The following HSD17B12 variants were observed in gnomAD, a reference collection of about 807,000 sequenced individuals.
HSD17B12 encodes very-long-chain 3-oxoacyl-CoA reductase.
HSD17B12 carries 32 observed loss-of-function variants against 39.3 expected under a neutral mutation model. The ratio of observed to expected loss-of-function variants is 0.81; its 90% confidence interval spans 0.61 to 1.09. The LOEUF is 1.09. Among genes scored for constraint, HSD17B12 ranks in the 50% least tolerant of loss-of-function variants. HSD17B12 has a pLI of 0.00. For synonymous variants in HSD17B12, 150 were observed against 146.7 expected, an observed-to-expected ratio of 1.02 and a Z score of -0.16; for missense variants, 342 against 382.9, an observed-to-expected ratio of 0.89 and a Z score of 0.89.
the HSD17B12 span, among the ~76,000 whole-genome samples, chr11:43,585,352 G>A: frequency 3.9e-5 from 6 of 152,130 alleles, no homozygotes; most frequent in Non-Finnish European, 8.8e-5. Context: ...GAAACCCCAG[G>A]GCTGTCAGAT....
chr11:43,828,657 C>A (rs1344875467), intron 6 of HSD17B12, among the ~76,000 whole-genome samples: 1 of 151,990 alleles, frequency 6.6e-6, no homozygotes, highest in Non-Finnish European at 1.5e-5. Flanking sequence ...TGCAGATGGC[C>A]TAATATTAGC....
chr11:43,572,410 T>C, the HSD17B12 span, among the ~76,000 whole-genome samples: 1 of 152,144 alleles, frequency 6.6e-6, no homozygotes, highest in Non-Finnish European at 1.5e-5. Flanking sequence ...CACCTCCAAC[T>C]CCACATGTTG....
chr11:43,817,838 G>A (rs1249992289), intron 6 of HSD17B12, among the ~76,000 whole-genome samples: 2 of 151,898 alleles, frequency 1.3e-5, no homozygotes, highest in Non-Finnish European at 2.9e-5. Context: ...CTTTCTTTTG[G>A]TTCCATATGA....
At chr11:43,661,430 A>T in the HSD17B12 span, among the ~76,000 whole-genome samples, 1 of 152,214 alleles carries the variant, frequency 6.6e-6, no homozygotes, top group Non-Finnish European at 1.5e-5. Flanking sequence ...AATAAAGTGG[A>T]CTAAGAAAGT....
At chr11:43,640,618 G>A in the HSD17B12 span, among the ~76,000 whole-genome samples, 1 of 152,024 alleles carries the variant, frequency 6.6e-6, no homozygotes, top group African/African-American at 2.4e-5. Flanking sequence ...TATAAAATAA[G>A]AATTGTTACG....
In HSD17B12 at chr11:43,801,628, A is replaced by G. The variant is rs1202141277; in HGVS notation, c.391+3201A>G. On this transcript the variant is annotated intron_variant, in intron 4 of 10. Transcript: ENST00000278353. ...TATATATATATATATATATATATAT[A>G]TATGTATATGTATGTATGTATATGT... Among the ~76,000 whole-genome samples, 196 of 20,944 alleles carry G rather than the reference A, an allele frequency of 9.4e-3. 1 individual carries two copies. The highest frequency in any genetic ancestry group is 0.024 in the Middle Eastern group (1 of 42). The allele number at this position is 20,944 out of a possible 152,430, so 13.7% of individuals were successfully genotyped here. A position where few individuals can be genotyped will look rare whatever the true frequency, so the allele number is the denominator to read the frequency against.
intron 1 of HSD17B12, among the ~76,000 whole-genome samples, chr11:43,706,185 G>C (rs1482067434): frequency 6.6e-6 from 1 of 151,182 alleles, no homozygotes; most frequent in Non-Finnish European, 1.5e-5. Flanking sequence ...AAAGAAGACA[G>C]AGATTGTTTA....
At chr11:43,604,228 ATGAT>A in the HSD17B12 span, among the ~76,000 whole-genome samples, 1 of 152,166 alleles carries the variant, frequency 6.6e-6, no homozygotes, top group African/African-American at 2.4e-5. Context: ...CTTCTTTCAA[ATGAT>A]TGAGAATTTA....
At chr11:43,766,421 A>G (rs1414700176) in intron 3 of HSD17B12, among the ~76,000 whole-genome samples, 3 of 152,104 alleles carry the variant, frequency 2.0e-5, no homozygotes, top group Non-Finnish European at 4.4e-5. Flanking sequence ...ATTGCTTCAT[A>G]TATTTTGTCC....
the HSD17B12 span, among the ~76,000 whole-genome samples, chr11:43,557,857 G>A: frequency 6.6e-6 from 1 of 152,078 alleles, no homozygotes; most frequent in Non-Finnish European, 1.5e-5. Context: ...TGAGGGGCTG[G>A]TGCTGTAACG....
chr11:43,659,959 T>C, the HSD17B12 span, among the ~76,000 whole-genome samples: 6,067 of 152,210 alleles, frequency 0.04, 185 homozygotes, highest in South Asian at 0.11. Flanking sequence ...TTTTCAGCAC[T>C]TTAGAACCTG....
At chr11:43,597,129 G>C in the HSD17B12 span, among the ~76,000 whole-genome samples, 1 of 152,210 alleles carries the variant, frequency 6.6e-6, no homozygotes, top group Non-Finnish European at 1.5e-5. Context: ...AATGAATTAA[G>C]TGCTAACTAG....
At chr11:43,730,977 C>CT (rs1950261940) in intron 1 of HSD17B12, among the ~76,000 whole-genome samples, 1 of 151,980 alleles carries the variant, frequency 6.6e-6, no homozygotes, top group Non-Finnish European at 1.5e-5. Flanking sequence ...AATTTGCCCA[C>CT]TTCTTATATG....
the HSD17B12 span, among the ~76,000 whole-genome samples, chr11:43,622,896 G>A: frequency 2.0e-5 from 3 of 151,868 alleles, no homozygotes; most frequent in Non-Finnish European, 4.4e-5. Flanking sequence ...ATTTCAAAAG[G>A]CAACCACATG....
chr11:43,804,374 G>A (rs1266932335), intron 4 of HSD17B12, among the ~76,000 whole-genome samples: 2 of 152,156 alleles, frequency 1.3e-5, no homozygotes, highest in Non-Finnish European at 2.9e-5. Flanking sequence ...GTCATCCATC[G>A]ACTTTCTTGA....
At chr11:43,675,119 AG>A in the HSD17B12 span, among the ~76,000 whole-genome samples, 1 of 152,248 alleles carries the variant, frequency 6.6e-6, no homozygotes, top group Non-Finnish European at 1.5e-5. Context: ...GAACAAGAAA[AG>A]TTCACTGTAC....
chr11:43,693,187 G>C (rs906415550), intron 1 of HSD17B12, among the ~76,000 whole-genome samples: 2 of 152,236 alleles, frequency 1.3e-5, no homozygotes, highest in African/African-American at 2.4e-5. Flanking sequence ...AGTGGTGGAT[G>C]CATCTGTGGT....
At chr11:43,721,972 A>G (rs1950180455) in intron 1 of HSD17B12, among the ~76,000 whole-genome samples, 1 of 152,154 alleles carries the variant, frequency 6.6e-6, no homozygotes, top group South Asian at 2.1e-4. Context: ...GGTATAAATG[A>G]TGGGGCCTTG....
At chr11:43,703,490 G>A (rs1470186383) in intron 1 of HSD17B12, among the ~76,000 whole-genome samples, 1 of 152,158 alleles carries the variant, frequency 6.6e-6, no homozygotes, top group Non-Finnish European at 1.5e-5. Flanking sequence ...CACCGCGCCC[G>A]GCCAAACTTC....
Sources: gnomAD v4.1 joint callset for allele counts (sites outside exome capture counted in the v4.1 genomes callset) on GRCh38, gnomAD v4.1.1 for gene constraint, MANE v1.5 for transcripts, NCBI Gene and HGNC (gene_info 2026-07-23, HGNC 2026-07-21) for gene names.